LPP: variants seen among roughly 807,000 people sequenced by gnomAD.
LPP encodes the protein LIM domain containing preferred translocation partner in lipoma.
A neutral mutation model predicts 60.4 loss-of-function variants in LPP; 38 were observed. That is an observed-to-expected ratio of 0.63 (90% CI 0.49 to 0.83). The LOEUF is 0.83. LPP is among the 40% of genes least tolerant of loss of function. The probability of loss-of-function intolerance (pLI) is 0.00; values close to 1 mark genes in which losing one functional copy is unlikely to be tolerated. For synonymous variants in LPP, 328 were observed against 290.8 expected (o/e 1.13, Z -1.30); for missense variants, 902 against 783.6 (o/e 1.15, Z -1.80).
chr3:188,266,372 G>A (rs1371734548), intron 2 of LPP, among the ~76,000 whole-genome samples: 2 of 152,116 alleles, frequency 1.3e-5, no homozygotes, highest in South Asian at 4.1e-4. Flanking sequence ...CAGATGATAC[G>A]TTTTTTAGAT....
chr3:188,569,454 T>C (rs1303628220), intron 6 of LPP, among the ~76,000 whole-genome samples: 1 of 152,040 alleles, frequency 6.6e-6, no homozygotes, highest in Admixed American at 6.6e-5. Flanking sequence ...CAAAGAATTT[T>C]ATGTAGAATT....
chr3:188,783,040 G>T (rs531042292), intron 9 of LPP, among the ~76,000 whole-genome samples: 3 of 152,118 alleles, frequency 2.0e-5, no homozygotes, highest in Admixed American at 2.0e-4. Flanking sequence ...GTTGCCAATT[G>T]GTCTCCATGT....
rs1771040790 is a variant in LPP, at chr3:188,889,595, A to G, written c.*15116A>G. 1 of 227,284 alleles carries G rather than the reference A, an allele frequency of 4.4e-6. No individual in the cohort carries two copies. The highest frequency in any genetic ancestry group is 8.7e-6 in the Non-Finnish European group (1 of 114,352). The allele number at this position is 227,284 out of a possible 1,614,324, so 14.1% of individuals were successfully genotyped here. ...TGGTCATAAAGTTGTCTCCTACCTA[A>G]CCCAGTTTTACCAAATGGAAGTAAA... On this transcript the variant is annotated 3_prime_UTR_variant, in exon 12 of 12. Coordinates refer to ENST00000617246, the MANE Select transcript of LPP (RefSeq NM_001375462.1).
intron 2 of LPP, among the ~76,000 whole-genome samples, chr3:188,280,262 G>C (rs1438048824): frequency 6.6e-6 from 1 of 152,172 alleles, no homozygotes; most frequent in Non-Finnish European, 1.5e-5. Flanking sequence ...GAGCTGCATG[G>C]CTGCTTTCTG....
chr3:188,279,038 G>A (rs1461858112), intron 2 of LPP, among the ~76,000 whole-genome samples: 3 of 152,200 alleles, frequency 2.0e-5, no homozygotes, highest in Admixed American at 6.5e-5. Flanking sequence ...CACAGGGAAC[G>A]TTCATCTCAT....
chr3:188,377,720 T>G (rs1046451950), intron 3 of LPP, among the ~76,000 whole-genome samples: 5 of 152,258 alleles, frequency 3.3e-5, no homozygotes, highest in African/African-American at 1.2e-4. Flanking sequence ...AAAGTCATTC[T>G]CCGTCCAGCT....
At chr3:188,592,563 T>TTTTTTTTGTTTTTTTTTTTGG in intron 6 of LPP, among the ~76,000 whole-genome samples, 1 of 77,226 alleles carries the variant, frequency 1.3e-5, no homozygotes, top group African/African-American at 4.7e-5. Context: ...TTTTGTTTTT[T>TTTTTTTTGTTTTTTTTTTTGG]AAATGGAGTC....
chr3:188,240,102 T>G (rs191636559), intron 2 of LPP: 1 of 195,174 alleles, frequency 5.1e-6, no homozygotes, highest in Non-Finnish European at 1.1e-5. Context: ...GGCAGATGGA[T>G]ACATCTGTGA....
intron 2 of LPP, among the ~76,000 whole-genome samples, chr3:188,291,648 A>AAAT (rs1428146428): frequency 6.7e-6 from 1 of 148,518 alleles, no homozygotes; most frequent in African/African-American, 2.6e-5. Flanking sequence ...TCTGTCTCAA[A>AAAT]AAAAAAAAAA....
At chr3:188,314,526 T>C (rs1316736198) in intron 2 of LPP, among the ~76,000 whole-genome samples, 5 of 152,158 alleles carry the variant, frequency 3.3e-5, no homozygotes, top group Non-Finnish European at 7.3e-5. Flanking sequence ...TTAGTGTTGC[T>C]AGATCCTAGA....
chr3:188,363,717 C>T (rs373214694), intron 3 of LPP, among the ~76,000 whole-genome samples: 26 of 152,024 alleles, frequency 1.7e-4, no homozygotes, highest in East Asian at 1.4e-3. Flanking sequence ...CCAGCCTGGC[C>T]AACATGGTGA....
chr3:188,737,286 G>C (rs1417980371), intron 8 of LPP, among the ~76,000 whole-genome samples: 1 of 152,186 alleles, frequency 6.6e-6, no homozygotes, highest in Non-Finnish European at 1.5e-5. Flanking sequence ...ACTGAGAGCT[G>C]GGCAATGTGG....
chr3:188,155,741 C>T (rs757797104), intron 1 of LPP, among the ~76,000 whole-genome samples: 1 of 152,114 alleles, frequency 6.6e-6, no homozygotes, highest in South Asian at 2.1e-4. Flanking sequence ...GGGCCAGGCA[C>T]GGTGGCTCAC....
intron 8 of LPP, among the ~76,000 whole-genome samples, chr3:188,735,841 A>G (rs1722316765): frequency 6.6e-6 from 1 of 152,218 alleles, no homozygotes; most frequent in Non-Finnish European, 1.5e-5. Context: ...TAGACATGGG[A>G]GAAGCCAACT....
rs185313131 is a variant in LPP, at chr3:188,838,508, C to A, written c.1411-27692C>A. On this transcript the variant is annotated intron_variant, in intron 9 of 11. Transcript: ENST00000617246. ...TCAAAATATTCTAGAAAAAACTTTA[C>A]TCCCTGAAAATATACAGCTTTAGGA... Among the ~76,000 whole-genome samples the A allele has an allele frequency of 5.4e-3, 823 of 152,304 alleles. 5 individuals carry two copies. The highest frequency in any genetic ancestry group is 6.7e-3 in the Non-Finnish European group (457 of 68,030).
chr3:188,528,674 C>A (rs1821331237), intron 6 of LPP, among the ~76,000 whole-genome samples: 1 of 152,136 alleles, frequency 6.6e-6, no homozygotes, highest in African/African-American at 2.4e-5. Flanking sequence ...GTGCTCCTTT[C>A]AGGGATGATG....
rs968561952 is a variant in LPP at position 188,837,157 on chromosome 3, A to G, written c.1411-29043A>G. Reference sequence around the variant, plus strand: ...AGCACCTTGGGAGGCCGAGGCAGGCAGATCACAAGGTCAGGAGTTCGAGAC... The same window carrying G: ...AGCACCTTGGGAGGCCGAGGCAGGCGGATCACAAGGTCAGGAGTTCGAGAC... On this transcript the variant is annotated intron_variant, in intron 9 of 11. Transcript: ENST00000617246. Among the ~76,000 whole-genome samples the G allele has an allele frequency of 3.9e-5, 6 of 152,154 alleles. No individual in the cohort carries two copies. The East Asian group carries it at 1.2e-3, about 29-fold the overall frequency.
intron 7 of LPP, among the ~76,000 whole-genome samples, chr3:188,686,728 C>T (rs756461057): frequency 1.3e-5 from 2 of 152,004 alleles, no homozygotes; most frequent in South Asian, 2.1e-4. Context: ...GATGGGAAGC[C>T]GAGGGAGGCC....
intron 8 of LPP, among the ~76,000 whole-genome samples, chr3:188,714,180 T>C (rs1376090658): frequency 6.6e-6 from 1 of 152,184 alleles, no homozygotes; most frequent in Non-Finnish European, 1.5e-5. Flanking sequence ...ATGTCTATCA[T>C]AATACATTAC....
Sources: gnomAD v4.1 joint callset for allele counts (sites outside exome capture counted in the v4.1 genomes callset) on GRCh38, gnomAD v4.1.1 for gene constraint, MANE v1.5 for transcripts, NCBI Gene and HGNC (gene_info 2026-07-23, HGNC 2026-07-21) for gene names.